PLK2: variants seen among roughly 807,000 people sequenced by gnomAD.
PLK2 encodes the protein polo like kinase 2, also known as serine/threonine-protein kinase PLK2.
A neutral mutation model predicts 78.1 loss-of-function variants in PLK2; 25 were observed. That is an observed-to-expected ratio of 0.32 (90% CI 0.23 to 0.45). PLK2 has a LOEUF of 0.45. PLK2 is among the 20% of genes least tolerant of loss of function. The pLI, the probability that PLK2 is intolerant of heterozygous loss-of-function variation, is 1.00. For synonymous variants in PLK2, 332 were observed against 298.2 expected, an observed-to-expected ratio of 1.11 and a Z score of -1.17; for missense variants, 566 against 840.2, an observed-to-expected ratio of 0.67 and a Z score of 4.04.
intron 1 of PLK2, 169 bp downstream of exon 1, chr5:58,459,521 T>G: frequency 1.6e-6 from 1 of 609,790 alleles, no homozygotes; most frequent in South Asian, 2.1e-5. Context: ...TCCCCAGCGC[T>G]GCCGGCGCAC....
intron 8 of PLK2, 135 bp downstream of exon 8, chr5:58,456,810 A>T: frequency 1.5e-6 from 1 of 650,904 alleles, no homozygotes; most frequent in Admixed American, 3.1e-5. Context: ...TGGATTTATT[A>T]TGCTATAAAT....
At chr5:58,458,304 C>T in intron 4 of PLK2, 95 bp downstream of exon 4, 2 of 1,427,060 alleles carry the variant, frequency 1.4e-6, no homozygotes, top group South Asian at 1.2e-5. Context: ...ATTGCAGACA[C>T]GAGATCCCAA....
In PLK2 at chr5:58,455,837, G is replaced by C. The variant is rs1240745584; in HGVS notation, c.1385-58C>G. ...ACAATATTTTAGCAATAAAACCTCA[G>C]GCTTTGGTAGATGCTAAGTTTCACT... On this transcript the variant is annotated intron_variant, in intron 10 of 13. Coordinates refer to ENST00000274289, the MANE Select transcript of PLK2 (RefSeq NM_006622.4). 4 of 1,590,568 alleles carry C rather than the reference G, an allele frequency of 2.5e-6. No individual in the cohort carries two copies. The Admixed American group carries it at 5.1e-5, about 20-fold the overall frequency.
At position 58,454,971 on chromosome 5, in the gene PLK2, G is replaced by A; in HGVS notation, c.1806C>T (p.Leu602=). 1.2e-6 allele frequency: 2 copies of A among 1,613,378 alleles called. No homozygotes were observed. The highest frequency in any genetic ancestry group is 1.7e-5 in the Admixed American group (1 of 60,026). ...CCTTATCAGATTTTAGCCACTGAAG[G>A]AGGTAGAGCCGAGGTCTTCGAATAT... ...VTDIRRPRLY[L]LQWLKSDKAL... The change falls in exon 13 of 14, where the codon CTC becomes CTT. Residue 602 remains leucine (L), a synonymous_variant. Coordinates refer to ENST00000274289, the MANE Select transcript of PLK2 (RefSeq NM_006622.4).
At chr5:58,455,981 G>T in intron 10 of PLK2, 45 bp downstream of exon 10, 1 of 1,587,026 alleles carries the variant, frequency 6.3e-7, no homozygotes. Flanking sequence ...TTTAGCACTG[G>T]CATTTCGAGT....
In PLK2 at chr5:58,457,079, T is replaced by C; in HGVS notation, c.1022A>G (p.Asp341Gly). 1 of 1,613,570 alleles carries C rather than the reference T, an allele frequency of 6.2e-7. No individual in the cohort carries two copies. The highest frequency in any genetic ancestry group is 8.5e-7 in the Non-Finnish European group (1 of 1,179,816). The change falls in exon 8 of 14, where the codon GAC (aspartate) becomes GGC (glycine). Residue 341 changes from aspartate to glycine, a missense_variant. Coordinates refer to ENST00000274289, the MANE Select transcript of PLK2 (RefSeq NM_006622.4). Reference protein sequence around the residue: ...HDFFLQGFTPDRLSSSCCHTV... With the variant: ...HDFFLQGFTPGRLSSSCCHTV... ...ATGACAACAGCTAGAAGACAGTCTG[T>C]CCGGAGTGAAGCCCTGTGGAATATT...
chr5:58,456,234 G>A, intron 9 of PLK2, 79 bp from the exon 10 acceptor site: 1 of 1,367,334 alleles, frequency 7.3e-7, no homozygotes, highest in South Asian at 1.3e-5. Context: ...TAAGATGAGA[G>A]TGAGGCAATT....
Position 58,459,011 on chromosome 5 carries a change from C to T in PLK2, c.352G>A (p.Val118Ile), listed in dbSNP as rs781351389. 2 of 1,605,854 alleles carry T rather than the reference C, an allele frequency of 1.2e-6. No homozygotes were observed. The highest frequency in any genetic ancestry group is 8.5e-7 in the Non-Finnish European group (1 of 1,172,540). The change falls in exon 2 of 14, where the codon GTA (valine) becomes ATA (isoleucine). Residue 118 changes from valine to isoleucine, a missense_variant. Val to Ile is a conservative substitution (Grantham distance 29). Coordinates refer to ENST00000274289, the MANE Select transcript of PLK2 (RefSeq NM_006622.4). ...TTTTCCCTTTGATGAGGTTTAGCTA[C>T]TCTGCTGTGAGGAATAATTTTTGCG... ...YAAKIIPHSR[V>I]AKPHQREKID... is the part of the protein sequence containing the mutation.
Position 58,459,714 on chromosome 5 carries a change from G to C in PLK2, c.246C>G (p.Tyr82Ter). 6.3e-7 allele frequency: 1 copy of C among 1,598,330 alleles called. No individual in the cohort carries two copies. Among genetic ancestry groups the C allele is most frequent in the Non-Finnish European group, 8.5e-7 (1 of 1,172,952 alleles). The part of the protein sequence containing the change: ...IIVDPTTGKR[Y>*]CRGKVLGKGG... ...CCTTTCCCAGCACTTTGCCCCGGCA[G>C]TAGCGCTTCCCAGTCGTGGGGTCGA... is the stretch of plus-strand genomic sequence containing the variant. Residue 82 changes from tyrosine to a stop codon, truncating the protein, a stop_gained, in exon 1 of 14, where the codon TAC becomes TAG. Coordinates refer to ENST00000274289, the MANE Select transcript of PLK2 (RefSeq NM_006622.4). LOFTEE classifies it high-confidence loss of function.
Position 58,455,459 on chromosome 5 carries a change from G to C in PLK2, c.1626-45C>G, listed in dbSNP as rs1579963452. On this transcript the variant is annotated intron_variant, in intron 11 of 13. Coordinates refer to ENST00000274289, the MANE Select transcript of PLK2 (RefSeq NM_006622.4). ...AGGGAGAGAAGAGGAAAAAAAAATA[G>C]AAGCAGTTAATCATTGTTTTTAGAT... 4 of 1,610,630 alleles carry C rather than the reference G, an allele frequency of 2.5e-6. No homozygotes were observed. In the African/African-American group the frequency reaches 5.4e-5, roughly 22 times the overall value.
chr5:58,458,631 G>GT, intron 3 of PLK2, 94 bp downstream of exon 3: 1 of 1,298,626 alleles, frequency 7.7e-7, no homozygotes, highest in Non-Finnish European at 1.1e-6. Flanking sequence ...TGCAGTGTAA[G>GT]TGCTGCCACA....
intron 5 of PLK2, 51 bp downstream of exon 5, chr5:58,458,033 C>A (rs555336461): frequency 3.6e-5 from 36 of 993,088 alleles, no homozygotes; most frequent in Admixed American, 2.7e-4. Context: ...ATAATGAAGG[C>A]ATATTTGGTC....
At chr5:58,458,249 C>A (rs1313503671) in intron 4 of PLK2, 78 bp from the exon 5 acceptor site, 3 of 1,299,652 alleles carry the variant, frequency 2.3e-6, no homozygotes, top group Admixed American at 1.7e-5. Context: ...CACTTTGGAG[C>A]CAGGCAGCCA....
In PLK2 at chr5:58,455,705, G is replaced by T. The variant is rs376911424; in HGVS notation, c.1459C>A (p.Pro487Thr). ...TCTTTGGGAATGCAATCAGCTTCCG[G>T]CATGTTTTCCAGACATCCCCGAAGA... ...RVLRGCLENM[P>T]EADCIPKEQL... The change falls in exon 11 of 14, where the codon CCG (proline) becomes ACG (threonine). Residue 487 changes from proline (P) to threonine (T), a missense_variant. By Grantham distance (38) the Pro-to-Thr change is conservative. Coordinates refer to ENST00000274289, the MANE Select transcript of PLK2 (RefSeq NM_006622.4). 2.4e-5 allele frequency: 39 copies of T among 1,613,966 alleles called. No individual in the cohort carries two copies. Among genetic ancestry groups the T allele is most frequent in the Non-Finnish European group, 3.2e-5 (38 of 1,180,008 alleles).
rs1743544352 is a variant in PLK2, at chr5:58,454,459, G to A, written c.*124C>T. 1 of 697,110 alleles carries A rather than the reference G, an allele frequency of 1.4e-6. No individual in the cohort carries two copies. The highest frequency in any genetic ancestry group is 2.5e-6 in the Non-Finnish European group (1 of 408,024). 43.2% of individuals were successfully genotyped at this position (697,110 alleles called of 1,614,324 possible). On this transcript the variant is annotated 3_prime_UTR_variant, in exon 14 of 14. Coordinates refer to ENST00000274289, the MANE Select transcript of PLK2 (RefSeq NM_006622.4). ...GTTCCAACCAGTCCAGCAGGCCACA[G>A]GGGAATTGTTTTCGTACCACCACAT...
In PLK2 at chr5:58,454,456, A is replaced by G. The variant is rs560574795; in HGVS notation, c.*127T>C. On this transcript the variant is annotated 3_prime_UTR_variant, in exon 14 of 14. Transcript: ENST00000274289. ...CTGGTTCCAACCAGTCCAGCAGGCC[A>G]CAGGGGAATTGTTTTCGTACCACCA... 1.3e-5 allele frequency: 9 copies of G among 682,060 alleles called. No individual in the cohort carries two copies. Among genetic ancestry groups the G allele is most frequent in the African/African-American group, 1.1e-4 (6 of 55,256 alleles). The allele number at this position is 682,060 out of a possible 1,614,324, so 42.3% of individuals were successfully genotyped here.
intron 9 of PLK2, 156 bp downstream of exon 9, chr5:58,456,336 T>C: frequency 1.3e-6 from 1 of 757,938 alleles, no homozygotes; most frequent in Non-Finnish European, 2.2e-6. Context: ...CTAAAAGACT[T>C]CCTTTTAGTT....
At position 58,455,777 on chromosome 5, in the gene PLK2, G is replaced by A; in HGVS notation, c.1387C>T (p.Leu463Phe). Residue 463 changes from leucine (L) to phenylalanine (F), a missense_variant and splice_region_variant, in exon 11 of 14, where the codon CTT becomes TTT. This residue lies in a region of PLK2 where 129 missense variants were observed against 156.0 expected (regional missense o/e 0.83). Coordinates refer to ENST00000274289, the MANE Select transcript of PLK2 (RefSeq NM_006622.4). Reference protein sequence around the residue: ...LGSCSSSSECLEDSTMGSVAD... With the variant: ...LGSCSSSSECFEDSTMGSVAD... Reference sequence around the variant, plus strand: ...ACACTTCCCATGGTACTGTCTTCAAGGCCTGAAAAGTCAGACAGAAATGTT... The same window carrying A: ...ACACTTCCCATGGTACTGTCTTCAAAGCCTGAAAAGTCAGACAGAAATGTT... 1 of 1,612,744 alleles carries A rather than the reference G, an allele frequency of 6.2e-7. No individual in the cohort carries two copies. Among genetic ancestry groups the A allele is most frequent in the East Asian group, 2.2e-5 (1 of 44,882 alleles).
rs1326337843 is a variant in PLK2 at position 58,457,225 on chromosome 5, G to A, written c.964C>T (p.Arg322Cys). Reference protein sequence around the residue: ...ASMLSKNPEDRPSLDDIIRHD... With the variant: ...ASMLSKNPEDCPSLDDIIRHD... ...CGAATGATGTCATCCAAACTGGGAC[G>A]ATCCTCTGGGTTTTTGGACAACATA... Residue 322 changes from arginine (R) to cysteine (C), a missense_variant, in exon 7 of 14, where the codon CGT becomes TGT. This residue lies in a region of PLK2 where 179 missense variants were observed against 342.3 expected (regional missense o/e 0.52). Transcript: ENST00000274289. The A allele has an allele frequency of 1.2e-6, 2 of 1,614,078 alleles. No individual in the cohort carries two copies. The highest frequency in any genetic ancestry group is 1.7e-5 in the Admixed American group (1 of 60,024).
Sources: gnomAD v4.1 joint callset for allele counts on GRCh38, gnomAD v4.1.1 for gene constraint, gnomAD v4.1.1 regional missense constraint, MANE v1.5 for transcripts, NCBI Gene and HGNC (gene_info 2026-07-23, HGNC 2026-07-21) for gene names.